Variants in DPYD observed in about 807,000 individuals in gnomAD.
The protein encoded by DPYD is dihydropyrimidine dehydrogenase [NADP(+)].
In DPYD, 109 loss-of-function variants were observed where a neutral mutation model predicts 116.2. The observed-to-expected ratio is 0.94, with a 90% CI of 0.80 to 1.10. The LOEUF (loss-of-function observed/expected upper bound fraction) is 1.10, where lower values mean the gene tolerates loss of function less well. Among genes scored for constraint, DPYD ranks in the 50% least tolerant of loss-of-function variants. DPYD has a pLI of 0.00. For missense variants in DPYD, 1,302 were observed against 1,254.5 expected, an observed-to-expected ratio of 1.04 and a Z score of -0.57; for synonymous variants, 440 against 432.0, an observed-to-expected ratio of 1.02 and a Z score of -0.23.
intron 20 of DPYD, among the ~76,000 whole-genome samples, chr1:97,140,554 CA>C (rs1396387266): frequency 6.6e-6 from 1 of 152,136 alleles, no homozygotes; most frequent in African/African-American, 2.4e-5. Context: ...ACTACACAAT[CA>C]TCTTTTAGCC....
chr1:97,270,975 A>G (rs1346172908), intron 18 of DPYD, among the ~76,000 whole-genome samples: 1 of 152,232 alleles, frequency 6.6e-6, no homozygotes, highest in Non-Finnish European at 1.5e-5. Context: ...GCAAACTGCT[A>G]AAAGAGAAAT....
intron 11 of DPYD, among the ~76,000 whole-genome samples, chr1:97,570,161 T>C (rs1044160558): frequency 5.9e-5 from 9 of 152,046 alleles, no homozygotes; most frequent in African/African-American, 2.2e-4. Flanking sequence ...ACAAAGATTG[T>C]GGAATATTTC....
At chr1:97,081,113 CTG>C (rs768161127) in intron 22 of DPYD, among the ~76,000 whole-genome samples, 4 of 147,124 alleles carry the variant, frequency 2.7e-5, no homozygotes, top group Non-Finnish European at 6.0e-5. Flanking sequence ...TGGTGTAGAA[CTG>C]TGGAACTAGG....
At chr1:97,910,978 A>G (rs1180708010) in intron 1 of DPYD, among the ~76,000 whole-genome samples, 9 of 152,146 alleles carry the variant, frequency 5.9e-5, no homozygotes, top group Admixed American at 3.9e-4. Flanking sequence ...AAAACCCAAA[A>G]TATTTTAAAA....
chr1:97,256,886 A>T (rs1426862634), intron 18 of DPYD, among the ~76,000 whole-genome samples: 3 of 152,118 alleles, frequency 2.0e-5, no homozygotes, highest in African/African-American at 7.2e-5. Flanking sequence ...CATGTAGTCT[A>T]TCTGTAATAC....
chr1:97,446,198 C>T lies in DPYD; in HGVS notation c.1905+3861G>A, dbSNP rs114499335. The stretch of plus-strand genomic sequence containing the variant: ...ATTTGAGTAGTTATTAGACCCATCA[C>T]TAGATTGTTACTTAGTGCCTTAATA... On this transcript the variant is annotated intron_variant, in intron 14 of 22. Coordinates refer to ENST00000370192, the MANE Select transcript of DPYD (RefSeq NM_000110.4). Among the ~76,000 whole-genome samples, 225 of 152,304 alleles carry T rather than the reference C, an allele frequency of 1.5e-3. 1 individual carries two copies. Among genetic ancestry groups the T allele is most frequent in the Admixed American group, 3.6e-3 (55 of 15,304 alleles).
chr1:97,733,189 C>T (rs1263649480), intron 4 of DPYD, among the ~76,000 whole-genome samples: 1 of 151,970 alleles, frequency 6.6e-6, no homozygotes, highest in Non-Finnish European at 1.5e-5. Flanking sequence ...TTTCTCACTC[C>T]TTATACCACA....
At position 97,224,991 on chromosome 1, in the gene DPYD, A is replaced by G. The variant is rs185355098; in HGVS notation, c.2442+9861T>C. 3.4e-4 allele frequency among the ~76,000 whole-genome samples: 48 copies of G among 142,496 alleles called. 1 individual carries two copies. The highest frequency in any genetic ancestry group is 1.6e-3 in the South Asian group (7 of 4,468). 93.5% of individuals were successfully genotyped at this position (142,496 alleles called of 152,430 possible). A position where few individuals can be genotyped will look rare whatever the true frequency, so the allele number is the denominator to read the frequency against. On this transcript the variant is annotated intron_variant, in intron 19 of 22. Coordinates refer to ENST00000370192, the MANE Select transcript of DPYD (RefSeq NM_000110.4). Reference sequence around the variant, plus strand: ...TATGGGAGTACAGATCTATCTAACTATCTGTCTGTCTGTCTATCTATCTAT... The same window carrying G: ...TATGGGAGTACAGATCTATCTAACTGTCTGTCTGTCTGTCTATCTATCTAT...
chr1:97,607,615 A>T (rs1655683461), intron 8 of DPYD, among the ~76,000 whole-genome samples: 1 of 151,854 alleles, frequency 6.6e-6, no homozygotes, highest in African/African-American at 2.4e-5. Context: ...GCATAAGATA[A>T]CACACATACC....
chr1:97,285,767 T>G (rs1484921160), intron 18 of DPYD, among the ~76,000 whole-genome samples: 1 of 151,230 alleles, frequency 6.6e-6, no homozygotes, highest in African/African-American at 2.4e-5. Flanking sequence ...CACCACAACC[T>G]TTGCCTCCTA....
intron 2 of DPYD, among the ~76,000 whole-genome samples, chr1:97,861,312 A>T (rs1194903582): frequency 6.6e-6 from 1 of 151,984 alleles, no homozygotes; most frequent in East Asian, 1.9e-4. Context: ...ACTTTGTATC[A>T]TTGTAAAGAC....
intron 20 of DPYD, among the ~76,000 whole-genome samples, chr1:97,128,284 A>G (rs1653004887): frequency 6.6e-6 from 1 of 152,138 alleles, no homozygotes; most frequent in East Asian, 1.9e-4. Flanking sequence ...TTGAGTTCTC[A>G]TTTACTGATG....
rs1653099139 is a variant in DPYD at position 97,574,050 on chromosome 1, A to G, written c.1129-80T>C. On this transcript the variant is annotated intron_variant, in intron 10 of 22. Coordinates refer to ENST00000370192, the MANE Select transcript of DPYD (RefSeq NM_000110.4). ...TATTTGATTTCTAATTGAATTACAC[A>G]TGCTAAAGCTTATGATATTAAGTCA... is the stretch of plus-strand genomic sequence containing the variant. 20 of 1,564,978 alleles carry G rather than the reference A, an allele frequency of 1.3e-5. No homozygotes were observed. The South Asian group carries it at 2.3e-4, about 18-fold the overall frequency.
intron 3 of DPYD, among the ~76,000 whole-genome samples, chr1:97,763,699 TA>T (rs1188719730): frequency 2.0e-5 from 3 of 152,074 alleles, no homozygotes; most frequent in African/African-American, 7.2e-5. Context: ...ATGCACCATA[TA>T]AAAAGGTAAT....
intron 18 of DPYD, among the ~76,000 whole-genome samples, chr1:97,256,448 C>T (rs1663472368): frequency 6.6e-6 from 1 of 152,178 alleles, no homozygotes; most frequent in South Asian, 2.1e-4. Context: ...GTGTGTCTTT[C>T]TCATGCTCTT....
chr1:97,666,104 C>G (rs905502466), intron 8 of DPYD, among the ~76,000 whole-genome samples: 2 of 152,104 alleles, frequency 1.3e-5, no homozygotes, highest in African/African-American at 4.8e-5. Flanking sequence ...TTAAGATATA[C>G]TTTCAGAACC....
At chr1:97,624,050 C>T (rs1456234618) in intron 8 of DPYD, among the ~76,000 whole-genome samples, 1 of 151,982 alleles carries the variant, frequency 6.6e-6, no homozygotes, top group African/African-American at 2.4e-5. Context: ...AGAAAAGCTA[C>T]ATGACATTGG....
At chr1:97,473,849 A>T (rs1006300462) in intron 13 of DPYD, among the ~76,000 whole-genome samples, 4 of 151,944 alleles carry the variant, frequency 2.6e-5, no homozygotes, top group Non-Finnish European at 2.9e-5. Flanking sequence ...TCTACAAAAA[A>T]CATAGAAAAA....
intron 18 of DPYD, among the ~76,000 whole-genome samples, chr1:97,301,616 A>G (rs886812605): frequency 5.3e-5 from 8 of 152,048 alleles, no homozygotes; most frequent in African/African-American, 1.9e-4. Context: ...CACAAGGAAC[A>G]ACAACGAAAA....
Sources: allele counts gnomAD v4.1 joint callset (sites outside exome capture counted in the v4.1 genomes callset), GRCh38; gene constraint gnomAD v4.1.1; transcripts MANE v1.5; gene names NCBI Gene and HGNC (gene_info 2026-07-23, HGNC 2026-07-21).